The following RAVER2 variants were observed in gnomAD, a reference collection of about 807,000 sequenced individuals.
RAVER2 encodes the protein ribonucleoprotein PTB-binding 2.
A neutral mutation model predicts 78.1 loss-of-function variants in RAVER2; 46 were observed. The ratio of observed to expected loss-of-function variants is 0.59; its 90% CI spans 0.46 to 0.75. The LOEUF (loss-of-function observed/expected upper bound fraction) is 0.75. RAVER2 is among the 30% of genes least tolerant of loss of function. RAVER2 has a pLI of 0.00. For missense variants in RAVER2, 793 were observed against 837.5 expected (o/e 0.95, Z 0.66); for synonymous variants, 311 against 313.3 (o/e 0.99, Z 0.08).
chr1:64,747,639 A>G (rs1314103620), intron 1 of RAVER2, among the ~76,000 whole-genome samples: 1 of 151,838 alleles, frequency 6.6e-6, no homozygotes, highest in Non-Finnish European at 1.5e-5. Context: ...CAGCCTCCCA[A>G]GTAGCTGGGA....
chr1:64,802,442 T>G (rs1329148472), intron 5 of RAVER2, among the ~76,000 whole-genome samples: 1 of 152,240 alleles, frequency 6.6e-6, no homozygotes, highest in Non-Finnish European at 1.5e-5. Flanking sequence ...ATTTAGACTC[T>G]TAGACGCGAT....
chr1:64,788,724 G>A lies in RAVER2; in HGVS notation c.979-664G>A, dbSNP rs1392452455. Among the ~76,000 whole-genome samples the A allele has an allele frequency of 2.7e-5, 4 of 147,010 alleles. 1 individual carries two copies. Among genetic ancestry groups the A allele is most frequent in the South Asian group, 4.4e-4 (2 of 4,578 alleles). On this transcript the variant is annotated intron_variant, in intron 4 of 11. Transcript: ENST00000294428. ...AGAGAATGTCATGAACCCGGGAGGC[G>A]GAGCTTGCAGTGAGTCGAGATCACG...
At chr1:64,791,191 G>A (rs1368553718) in intron 5 of RAVER2, among the ~76,000 whole-genome samples, 1 of 152,184 alleles carries the variant, frequency 6.6e-6, no homozygotes, top group East Asian at 1.9e-4. Flanking sequence ...ATCAGGCCAT[G>A]TCACCCTCCC....
chr1:64,814,744 A>C (rs772160751), exon 11 of RAVER2: 10 of 1,574,782 alleles, frequency 6.4e-6, no homozygotes, highest in Non-Finnish European at 8.6e-6. Context: ...CTGGAATTGC[A>C]AGCAGCATTC....
intron 5 of RAVER2, among the ~76,000 whole-genome samples, chr1:64,799,949 G>A (rs1251898053): frequency 6.6e-6 from 1 of 152,074 alleles, no homozygotes. Flanking sequence ...ATTAGAATTA[G>A]CTGTTCTAAT....
intron 11 of RAVER2, among the ~76,000 whole-genome samples, chr1:64,827,816 C>T (rs952349347): frequency 6.6e-6 from 1 of 152,156 alleles, no homozygotes; most frequent in Non-Finnish European, 1.5e-5. Flanking sequence ...CTTAATAATG[C>T]CTGTCTCCTT....
exon 12 of RAVER2, chr1:64,832,940 A>AAGTC (rs3838402): frequency 6.4e-5 from 10 of 156,984 alleles, no homozygotes; most frequent in South Asian, 2.0e-4. Context: ...GAGCTGCAAA[A>AAGTC]AGTCAGTCAG....
chr1:64,802,180 C>CA (rs1401945825), intron 5 of RAVER2, among the ~76,000 whole-genome samples: 1 of 152,184 alleles, frequency 6.6e-6, no homozygotes, highest in African/African-American at 2.4e-5. Flanking sequence ...TAGGTTTTAG[C>CA]CGGCTTCTTT....
At chr1:64,804,739 A>G in exon 7 of RAVER2, 1 of 1,399,276 alleles carries the variant, frequency 7.1e-7, no homozygotes, top group Admixed American at 1.8e-5. Context: ...CACAGAGCTC[A>G]GTTATGGGTA....
rs147626255 is a variant in RAVER2, at chr1:64,806,891, G to A, written c.1412-315G>A. 3.9e-5 allele frequency among the ~76,000 whole-genome samples: 6 copies of A among 152,164 alleles called. No individual in the cohort carries two copies. In the East Asian group the frequency reaches 1.2e-3, roughly 29 times the overall value. Reference sequence around the variant, plus strand: ...ACTAATACAGCTTAAATGCCAAAAAGTACATAAACTTTGCCCTCAACTTTA... The same window carrying A: ...ACTAATACAGCTTAAATGCCAAAAAATACATAAACTTTGCCCTCAACTTTA... On this transcript the variant is annotated intron_variant, in intron 8 of 11. Coordinates refer to ENST00000294428, the Ensembl canonical transcript of RAVER2.
In RAVER2 at chr1:64,824,891, A is replaced by G. The variant is rs997501408; in HGVS notation, c.1930-5948A>G. 3.6e-5 allele frequency among the ~76,000 whole-genome samples: 5 copies of G among 139,746 alleles called. No individual in the cohort carries two copies. In the Admixed American group the frequency reaches 4.0e-4, roughly 11 times the overall value. The allele number at this position is 139,746 out of a possible 152,430, so 91.7% of individuals were successfully genotyped here. On this transcript the variant is annotated intron_variant, in intron 11 of 11. Coordinates refer to ENST00000294428, the Ensembl canonical transcript of RAVER2. ...GGCTTTAGTGAGCCGAGATCCCGCCATTGCACTCCAGCTTGGGCAACAGAG... is the reference window on the plus strand; with the variant it reads ...GGCTTTAGTGAGCCGAGATCCCGCCGTTGCACTCCAGCTTGGGCAACAGAG...
At chr1:64,810,703 T>C (rs1367864087) in intron 9 of RAVER2, among the ~76,000 whole-genome samples, 4 of 152,240 alleles carry the variant, frequency 2.6e-5, no homozygotes, top group African/African-American at 9.6e-5. Context: ...TGTGTGTGCT[T>C]ACTGGTCATC....
chr1:64,762,673 A>G (rs1455676998), intron 1 of RAVER2, among the ~76,000 whole-genome samples: 1 of 152,210 alleles, frequency 6.6e-6, no homozygotes, highest in Non-Finnish European at 1.5e-5. Flanking sequence ...GCAGTTTGAT[A>G]TTCAAATCAA....
intron 11 of RAVER2, among the ~76,000 whole-genome samples, chr1:64,823,892 C>G (rs967557809): frequency 6.6e-6 from 1 of 151,030 alleles, no homozygotes; most frequent in Admixed American, 6.6e-5. Context: ...CTGCAACCTC[C>G]ACCTCCTGGG....
At position 64,753,392 on chromosome 1, in the gene RAVER2, C is replaced by A. The variant is rs188445476; in HGVS notation, c.249+7971C>A. Among the ~76,000 whole-genome samples, 592 of 152,040 alleles carry A rather than the reference C, an allele frequency of 3.9e-3. 4 individuals are homozygous for A. The highest frequency in any genetic ancestry group is 0.014 in the Middle Eastern group (4 of 290). ...AATATTTTTGTTTCAAAGAAATCCCCACAAATAAGGTATCCTATTCCATCT... is the reference window on the plus strand; with the variant it reads ...AATATTTTTGTTTCAAAGAAATCCCAACAAATAAGGTATCCTATTCCATCT... On this transcript the variant is annotated intron_variant, in intron 1 of 11. Transcript: ENST00000294428.
intron 3 of RAVER2, among the ~76,000 whole-genome samples, chr1:64,779,431 GA>G (rs1385441245): frequency 2.0e-5 from 3 of 151,884 alleles, no homozygotes; most frequent in Non-Finnish European, 4.4e-5. Context: ...GCCCAGGCTG[GA>G]ATCATGGCCC....
intron 1 of RAVER2, among the ~76,000 whole-genome samples, chr1:64,748,620 T>G (rs769356390): frequency 6.6e-6 from 1 of 152,256 alleles, no homozygotes; most frequent in African/African-American, 2.4e-5. Context: ...AACATTGGAT[T>G]TAACACAAAA....
chr1:64,803,496 G>C (rs1280615217), intron 6 of RAVER2, among the ~76,000 whole-genome samples: 1 of 151,920 alleles, frequency 6.6e-6, no homozygotes, highest in African/African-American at 2.4e-5. Flanking sequence ...ACCTTTTTTA[G>C]ATAAATATTT....
At chr1:64,803,439 CTA>C (rs1040867669) in intron 6 of RAVER2, among the ~76,000 whole-genome samples, 46 of 151,898 alleles carry the variant, frequency 3.0e-4, no homozygotes, top group African/African-American at 1.0e-3. Context: ...AATTTAATGA[CTA>C]TTATAAAAAA....
Sources: gnomAD v4.1 joint callset for allele counts (sites outside exome capture counted in the v4.1 genomes callset) on GRCh38, gnomAD v4.1.1 for gene constraint, MANE v1.5 for transcripts, NCBI Gene and HGNC (gene_info 2026-07-23, HGNC 2026-07-21) for gene names.